SOX5: variants seen among roughly 807,000 people sequenced by gnomAD.
SOX5 encodes the protein transcription factor SOX-5.
SOX5 carries 9 observed loss-of-function variants against 92.0 expected under a neutral mutation model. The ratio of observed to expected loss-of-function variants is 0.10; its 90% confidence interval spans 0.06 to 0.17. The LOEUF (loss-of-function observed/expected upper bound fraction) is 0.17. Among genes scored for constraint, SOX5 ranks in the 10% least tolerant of loss-of-function variants. The pLI is 1.00. For synonymous variants in SOX5, 344 were observed against 336.3 expected (o/e 1.02, Z -0.25); for missense variants, 642 against 944.5 (o/e 0.68, Z 4.20).
At chr12:23,672,494 T>A (rs960943049) in intron 6 of SOX5, among the ~76,000 whole-genome samples, 1 of 152,138 alleles carries the variant, frequency 6.6e-6, no homozygotes, top group Non-Finnish European at 1.5e-5. Flanking sequence ...ACTCAATTTG[T>A]ATAAAGAAGG....
intron 1 of SOX5, among the ~76,000 whole-genome samples, chr12:23,897,667 A>G (rs908446893): frequency 2.0e-5 from 3 of 152,198 alleles, no homozygotes; most frequent in African/African-American, 7.2e-5. Context: ...ATTGCCTAGT[A>G]AAGGGTTTCA....
At chr12:23,592,702 T>C (rs1951737489) in intron 9 of SOX5, among the ~76,000 whole-genome samples, 1 of 152,202 alleles carries the variant, frequency 6.6e-6, no homozygotes, top group South Asian at 2.1e-4. Flanking sequence ...TTAATATTGA[T>C]AAGCTGAAGA....
chr12:23,866,817 T>C (rs758904855), intron 2 of SOX5, among the ~76,000 whole-genome samples: 1 of 152,336 alleles, frequency 6.6e-6, no homozygotes, highest in South Asian at 2.1e-4. Context: ...GATTTGAGCA[T>C]ATAAAGACCT....
At chr12:23,867,369 C>G (rs554864418) in intron 2 of SOX5, among the ~76,000 whole-genome samples, 5 of 152,106 alleles carry the variant, frequency 3.3e-5, no homozygotes, top group Non-Finnish European at 7.4e-5. Flanking sequence ...TTCCCAGTCA[C>G]ACAAGATTTA....
At chr12:23,571,734 T>C (rs1948411481) in intron 10 of SOX5, among the ~76,000 whole-genome samples, 1 of 152,208 alleles carries the variant, frequency 6.6e-6, no homozygotes, top group Admixed American at 6.5e-5. Context: ...GTAATAAATA[T>C]AGAATCATAG....
chr12:23,833,880 A>T (rs188238238), intron 3 of SOX5, among the ~76,000 whole-genome samples: 3 of 152,104 alleles, frequency 2.0e-5, no homozygotes, highest in Admixed American at 2.0e-4. Flanking sequence ...GACAAATTAC[A>T]CCTAGTCAGT....
At chr12:24,511,651 C>T (rs1441340070) in intron 1 of SOX5, among the ~76,000 whole-genome samples, 1 of 152,066 alleles carries the variant, frequency 6.6e-6, no homozygotes, top group Non-Finnish European at 1.5e-5. Context: ...TCAATAACGA[C>T]ATTTTATTTT....
At chr12:23,625,993 A>AG (rs1385895701) in intron 8 of SOX5, among the ~76,000 whole-genome samples, 6 of 152,210 alleles carry the variant, frequency 3.9e-5, no homozygotes, top group African/African-American at 1.4e-4. Flanking sequence ...TGAAGAAAAA[A>AG]GAGAGGAGGA....
chr12:24,344,360 C>T (rs1441688889), intron 2 of SOX5, among the ~76,000 whole-genome samples: 2 of 150,736 alleles, frequency 1.3e-5, no homozygotes, highest in Admixed American at 6.6e-5. Context: ...GTTCCTTATC[C>T]TTTCCATGGA....
intron 3 of SOX5, among the ~76,000 whole-genome samples, chr12:23,833,042 G>T (rs369300386): frequency 6.6e-6 from 1 of 151,850 alleles, no homozygotes; most frequent in East Asian, 1.9e-4. Flanking sequence ...TTACATTGTG[G>T]ATTCATTTGA....
intron 4 of SOX5, among the ~76,000 whole-genome samples, chr12:24,018,579 T>G (rs1953936696): frequency 1.3e-5 from 2 of 152,266 alleles, no homozygotes; most frequent in East Asian, 3.9e-4. Context: ...GTGGATCACC[T>G]GAGGTCAGGA....
At chr12:24,200,744 A>G (rs958670068) in intron 4 of SOX5, among the ~76,000 whole-genome samples, 2 of 152,192 alleles carry the variant, frequency 1.3e-5, no homozygotes, top group Non-Finnish European at 1.5e-5. Context: ...AGACAACACA[A>G]TCAGAATGCT....
intron 13 of SOX5, among the ~76,000 whole-genome samples, chr12:23,537,822 A>C (rs527506110): frequency 1.3e-5 from 2 of 152,334 alleles, no homozygotes; most frequent in African/African-American, 4.8e-5. Context: ...GACTTCAAGA[A>C]TGAAGCTGCG....
At chr12:23,674,060 G>T (rs1163084412) in intron 6 of SOX5, among the ~76,000 whole-genome samples, 2 of 152,026 alleles carry the variant, frequency 1.3e-5, no homozygotes, top group Non-Finnish European at 2.9e-5. Flanking sequence ...TTTATAAAGG[G>T]CTGTCACATA....
At chr12:23,982,374 A>G (rs1949654112) in intron 4 of SOX5, among the ~76,000 whole-genome samples, 2 of 152,234 alleles carry the variant, frequency 1.3e-5, no homozygotes, top group African/African-American at 4.8e-5. Flanking sequence ...TATATGGTAC[A>G]GAGAACTGGA....
chr12:23,863,878 T>C (rs2096783659), intron 2 of SOX5, among the ~76,000 whole-genome samples: 1 of 151,574 alleles, frequency 6.6e-6, no homozygotes, highest in Non-Finnish European at 1.5e-5. Context: ...ATGTTAATCA[T>C]GTCCCTACTT....
At chr12:24,177,714 G>A (rs755406255) in intron 4 of SOX5, among the ~76,000 whole-genome samples, 14 of 151,970 alleles carry the variant, frequency 9.2e-5, no homozygotes, top group East Asian at 1.9e-4. Context: ...TCCTATTTTC[G>A]TTATTCTCTT....
Position 24,012,634 on chromosome 12 carries a change from T to C in SOX5, c.-1-116610A>G, listed in dbSNP as rs557720387. Among the ~76,000 whole-genome samples the C allele has an allele frequency of 1.7e-4, 26 of 152,304 alleles. No individual in the cohort carries two copies. The South Asian group carries it at 5.2e-3, about 30-fold the overall frequency. ...TTGTCACCTATGGCTTAATAAATAC[T>C]ACCAGGTACTGCTAGATCTTGTCTG... On this transcript the variant is annotated intron_variant, in intron 4 of 4. Transcript: ENST00000446891.
chr12:24,271,974 C>A (rs1376010601), intron 3 of SOX5, among the ~76,000 whole-genome samples: 2 of 69,136 alleles, frequency 2.9e-5, no homozygotes, highest in African/African-American at 9.8e-5. Flanking sequence ...ATTTCACACA[C>A]ACACACAAAC....
Sources: allele counts gnomAD v4.1 joint callset (sites outside exome capture counted in the v4.1 genomes callset), GRCh38; gene constraint gnomAD v4.1.1; transcripts MANE v1.5; gene names NCBI Gene and HGNC (gene_info 2026-07-23, HGNC 2026-07-21).